Variants in KCNH8 observed in about 807,000 individuals in gnomAD.
KCNH8 encodes the protein voltage-gated delayed rectifier potassium channel KCNH8.
Under a neutral mutation model 103.6 loss-of-function variants are expected in KCNH8, and 70 were observed. The ratio of observed to expected loss-of-function variants is 0.68; its 90% CI spans 0.56 to 0.82. The LOEUF (loss-of-function observed/expected upper bound fraction) is 0.82, where lower values mean the gene tolerates loss of function less well. KCNH8 is among the 40% of genes least tolerant of loss of function. The pLI is 0.00. For synonymous variants in KCNH8, 498 were observed against 489.4 expected (o/e 1.02, Z -0.23); for missense variants, 1,217 against 1,329.9 (o/e 0.92, Z 1.32).
At chr3:19,153,698 T>A (rs1245175589) in intron 1 of KCNH8, among the ~76,000 whole-genome samples, 1 of 150,668 alleles carries the variant, frequency 6.6e-6, no homozygotes, top group African/African-American at 2.4e-5. Flanking sequence ...AGTGGTGCGA[T>A]CTTGGCTCAC....
intron 5 of KCNH8, among the ~76,000 whole-genome samples, chr3:19,382,120 A>G (rs1423876222): frequency 1.3e-5 from 2 of 152,218 alleles, no homozygotes; most frequent in African/African-American, 4.8e-5. Context: ...ATTTAAAAAA[A>G]TGTTGAGCAA....
chr3:19,371,832 C>T, intron 5 of KCNH8, among the ~76,000 whole-genome samples: 1 of 151,184 alleles, frequency 6.6e-6, no homozygotes, highest in African/African-American at 2.4e-5. Flanking sequence ...CTACATATGG[C>T]TAGCCAGTTT....
At chr3:19,516,990 T>A (rs2068885775) in intron 14 of KCNH8, among the ~76,000 whole-genome samples, 1 of 152,046 alleles carries the variant, frequency 6.6e-6, no homozygotes, top group South Asian at 2.1e-4. Flanking sequence ...TTTTACTTTT[T>A]TAGTAGAGAT....
intron 5 of KCNH8, among the ~76,000 whole-genome samples, chr3:19,372,465 A>G (rs1559496930): frequency 2.0e-5 from 3 of 151,722 alleles, no homozygotes; most frequent in South Asian, 2.1e-4. Context: ...TTGATTTTGT[A>G]TCCTGAGACT....
At chr3:19,450,002 A>ATGCTC (rs10608752) in intron 8 of KCNH8, 104 bp from the exon 9 acceptor site, 5 of 918,830 alleles carry the variant, frequency 5.4e-6, no homozygotes, top group Admixed American at 2.5e-5. Context: ...CCATGTAACC[A>ATGCTC]TGCTCTGCTC....
In KCNH8 at chr3:19,513,050, G is replaced by A; in HGVS notation, c.2160G>A (p.Glu720=). 6.2e-7 allele frequency: 1 copy of A among 1,613,720 alleles called. No homozygotes were observed. The part of the protein sequence containing the change: ...VEDEEEEEEG[E]EEEAVSLSPI... ...ATGAGGAAGAGGAGGAGGAGGGGGA[G>A]GAAGAGGAGGCAGTCTCCCTCTCTC... The change falls in exon 13 of 16, where the codon GAG becomes GAA. Residue 720 remains glutamate (E), a synonymous_variant. Coordinates refer to ENST00000328405, the MANE Select transcript of KCNH8 (RefSeq NM_144633.3).
intron 1 of KCNH8, among the ~76,000 whole-genome samples, chr3:19,153,635 C>CTTT (rs773828081): frequency 7.8e-5 from 10 of 128,912 alleles, no homozygotes; most frequent in South Asian, 2.6e-4. Context: ...TTTCTTTTTT[C>CTTT]TTTTTTTTTT....
intron 3 of KCNH8, among the ~76,000 whole-genome samples, chr3:19,294,101 G>C (rs2064964989): frequency 6.6e-6 from 1 of 152,232 alleles, no homozygotes; most frequent in Admixed American, 6.5e-5. Context: ...CTTACTGCTG[G>C]TATTGAATGG....
At chr3:19,341,571 T>C (rs1333886307) in intron 3 of KCNH8, among the ~76,000 whole-genome samples, 1 of 152,088 alleles carries the variant, frequency 6.6e-6, no homozygotes, top group Non-Finnish European at 1.5e-5. Context: ...GCACATATGA[T>C]GAGAAAATGG....
intron 5 of KCNH8, among the ~76,000 whole-genome samples, chr3:19,374,500 C>T (rs1384153462): frequency 1.3e-5 from 2 of 152,050 alleles, no homozygotes; most frequent in Admixed American, 6.6e-5. Flanking sequence ...AGCCTAGTCT[C>T]TGCACGTGAG....
intron 8 of KCNH8, among the ~76,000 whole-genome samples, chr3:19,445,039 A>G (rs1018077568): frequency 6.6e-6 from 1 of 151,960 alleles, no homozygotes; most frequent in African/African-American, 2.4e-5. Context: ...AGATGTCTAT[A>G]AAAGCATTTT....
At chr3:19,298,483 TC>T (rs2065022967) in intron 3 of KCNH8, among the ~76,000 whole-genome samples, 1 of 152,184 alleles carries the variant, frequency 6.6e-6, no homozygotes, top group Non-Finnish European at 1.5e-5. Flanking sequence ...AGTTGAGTTA[TC>T]AAAAATCTGT....
intron 1 of KCNH8, among the ~76,000 whole-genome samples, chr3:19,155,094 T>C (rs1354313437): frequency 1.3e-5 from 2 of 152,218 alleles, no homozygotes; most frequent in Non-Finnish European, 2.9e-5. Context: ...TAGTTGTTAA[T>C]ACAACCATCT....
chr3:19,148,758 C>T lies in KCNH8; in HGVS notation c.39C>T (p.Thr13=), dbSNP rs779464993. ...AAGGATTACTGGCGCCGCAAAACAC[C>T]TTCCTGGACACCATCGCCACCCGTT... ...VMKGLLAPQN[T]FLDTIATRFD... Residue 13 remains threonine (T), a synonymous_variant, in exon 1 of 16, where the codon ACC becomes ACT. Coordinates refer to ENST00000328405, the MANE Select transcript of KCNH8 (RefSeq NM_144633.3). 34 of 1,614,034 alleles carry T rather than the reference C, an allele frequency of 2.1e-5. No homozygotes were observed. The highest frequency in any genetic ancestry group is 2.9e-5 in the Non-Finnish European group (34 of 1,180,004).
chr3:19,335,021 G>A (rs1260510337), intron 3 of KCNH8, among the ~76,000 whole-genome samples: 1 of 151,688 alleles, frequency 6.6e-6, no homozygotes, highest in Non-Finnish European at 1.5e-5. Flanking sequence ...TTTCCATAAT[G>A]AGTTTAAATT....
chr3:19,400,701 C>G (rs1419390666), intron 7 of KCNH8, among the ~76,000 whole-genome samples: 1 of 151,752 alleles, frequency 6.6e-6, no homozygotes, highest in Non-Finnish European at 1.5e-5. Flanking sequence ...TTTTCATTGA[C>G]AATTTTAATC....
At chr3:19,215,067 C>T (rs2063805533) in intron 1 of KCNH8, among the ~76,000 whole-genome samples, 1 of 152,218 alleles carries the variant, frequency 6.6e-6, no homozygotes, top group South Asian at 2.1e-4. Flanking sequence ...GCCTGTATCT[C>T]TTCCCTAGAA....
At chr3:19,487,902 C>A (rs1473754417) in intron 11 of KCNH8, among the ~76,000 whole-genome samples, 1 of 152,154 alleles carries the variant, frequency 6.6e-6, no homozygotes, top group Non-Finnish European at 1.5e-5. Flanking sequence ...AGACAGAAAG[C>A]CTGCTTAGTG....
intron 7 of KCNH8, among the ~76,000 whole-genome samples, chr3:19,400,858 G>C (rs1016039045): frequency 6.6e-6 from 1 of 151,874 alleles, no homozygotes; most frequent in Admixed American, 6.6e-5. Flanking sequence ...GATTACTTCA[G>C]TAACTGCATC....
Sources: allele counts gnomAD v4.1 joint callset (sites outside exome capture counted in the v4.1 genomes callset), GRCh38; gene constraint gnomAD v4.1.1; transcripts MANE v1.5; gene names NCBI Gene and HGNC (gene_info 2026-07-23, HGNC 2026-07-21).